RYR2: variants seen among roughly 807,000 people sequenced by gnomAD.
RYR2 encodes cardiac muscle ryanodine receptor-calcium release channel.
In RYR2, 227 loss-of-function variants were observed where a neutral mutation model predicts 601.1. That is an observed-to-expected ratio of 0.38 (90% confidence interval 0.34 to 0.42). The LOEUF (loss-of-function observed/expected upper bound fraction) is 0.42. RYR2 is among the 10% of genes least tolerant of loss of function. RYR2 has a pLI of 1.00. For synonymous variants in RYR2, 2,223 were observed against 2,175.1 expected, an observed-to-expected ratio of 1.02 and a Z score of -0.61; for missense variants, 4,646 against 6,156.5, an observed-to-expected ratio of 0.75 and a Z score of 8.21.
intron 4 of RYR2, among the ~76,000 whole-genome samples, chr1:237,362,907 A>C (rs1558686768): frequency 6.6e-6 from 1 of 152,100 alleles, no homozygotes; most frequent in Non-Finnish European, 1.5e-5. Flanking sequence ...TCTGTGTATT[A>C]TTCTTCCTAC....
At chr1:237,484,820 T>A (rs1662501940) in intron 17 of RYR2, among the ~76,000 whole-genome samples, 1 of 152,150 alleles carries the variant, frequency 6.6e-6, no homozygotes, top group South Asian at 2.1e-4. Context: ...AAAAACATGA[T>A]AAGGAATATT....
intron 29 of RYR2, among the ~76,000 whole-genome samples, chr1:237,588,342 G>A (rs930971576): frequency 6.6e-6 from 1 of 152,074 alleles, no homozygotes; most frequent in East Asian, 1.9e-4. Flanking sequence ...TGCTTTCACT[G>A]CCACTAATTT....
chr1:237,760,924 C>T, intron 83 of RYR2, 31 bp from the exon 84 acceptor site: 2 of 1,442,066 alleles, frequency 1.4e-6, no homozygotes, highest in Non-Finnish European at 1.9e-6. Context: ...TATTAGTCCT[C>T]TAAATGTTTT....
At chr1:237,473,069 GT>G (rs1361083279) in intron 17 of RYR2, among the ~76,000 whole-genome samples, 4 of 151,738 alleles carry the variant, frequency 2.6e-5, no homozygotes, top group Non-Finnish European at 5.9e-5. Flanking sequence ...GGACAATAGT[GT>G]TATCTACCCG....
chr1:237,755,213 C>G (rs1163909044), intron 80 of RYR2: 1 of 629,250 alleles, frequency 1.6e-6, no homozygotes, highest in Non-Finnish European at 2.3e-6. Flanking sequence ...TTTTAGTTCA[C>G]TTTATTTTTC....
chr1:237,507,424 C>T (rs559065998), intron 23 of RYR2, among the ~76,000 whole-genome samples: 18 of 152,270 alleles, frequency 1.2e-4, no homozygotes, highest in African/African-American at 4.3e-4. Context: ...TTGTTTGTGT[C>T]AAAACCATGG....
At chr1:237,722,181 GGGA>G (rs1191699585) in intron 73 of RYR2, among the ~76,000 whole-genome samples, 1 of 152,046 alleles carries the variant, frequency 6.6e-6, no homozygotes, top group Non-Finnish European at 1.5e-5. Context: ...ACTGTGAATG[GGGA>G]GGAGAAGAGC....
At chr1:237,255,622 G>A (rs1449008710) in intron 1 of RYR2, among the ~76,000 whole-genome samples, 1 of 152,092 alleles carries the variant, frequency 6.6e-6, no homozygotes, top group Non-Finnish European at 1.5e-5. Flanking sequence ...ATTCATGAGG[G>A]CAGTTTCAAT....
At chr1:237,591,292 T>C (rs1178023873) in intron 31 of RYR2, among the ~76,000 whole-genome samples, 2 of 151,526 alleles carry the variant, frequency 1.3e-5, no homozygotes, top group African/African-American at 4.9e-5. Flanking sequence ...AGTCATCTAA[T>C]TTGTTAGCGT....
chr1:237,057,194 CTTTT>C, intron 1 of RYR2, among the ~76,000 whole-genome samples: 1 of 149,408 alleles, frequency 6.7e-6, no homozygotes, highest in African/African-American at 2.5e-5. Context: ...GAGGAAACTT[CTTTT>C]TTTTTTGGAC....
At chr1:237,589,481 G>A (rs1572994237) in intron 29 of RYR2, among the ~76,000 whole-genome samples, 1 of 152,082 alleles carries the variant, frequency 6.6e-6, no homozygotes, top group South Asian at 2.1e-4. Flanking sequence ...ACTGCAGGGC[G>A]GGGATCTCTA....
At chr1:237,286,636 T>G (rs1691601030) in intron 2 of RYR2, among the ~76,000 whole-genome samples, 1 of 116,618 alleles carries the variant, frequency 8.6e-6, no homozygotes, top group Non-Finnish European at 1.9e-5. Flanking sequence ...GTACTTGTTT[T>G]TGGTGTACAT....
At chr1:237,673,512 C>T (rs1463291157) in intron 58 of RYR2, among the ~76,000 whole-genome samples, 1 of 151,894 alleles carries the variant, frequency 6.6e-6, no homozygotes, top group Non-Finnish European at 1.5e-5. Context: ...ATGTACTTGC[C>T]CACGTGGTTT....
chr1:237,124,850 C>G (rs1167144899), intron 1 of RYR2, among the ~76,000 whole-genome samples: 1 of 152,172 alleles, frequency 6.6e-6, no homozygotes. Context: ...CCTGGCAAGC[C>G]AATTCTACTT....
At chr1:237,169,150 T>C (rs1286622635) in intron 1 of RYR2, among the ~76,000 whole-genome samples, 1 of 152,246 alleles carries the variant, frequency 6.6e-6, no homozygotes, top group Non-Finnish European at 1.5e-5. Context: ...TGTTATTAAA[T>C]TTTAGTTAGT....
At position 237,566,750 on chromosome 1, in the gene RYR2, G is replaced by T. The variant is rs374397612; in HGVS notation, c.3398G>T (p.Arg1133Leu). The T allele has an allele frequency of 1.2e-6, 2 of 1,613,984 alleles. No homozygotes were observed. The highest frequency in any genetic ancestry group is 1.7e-6 in the Non-Finnish European group (2 of 1,179,866). The change falls in exon 28 of 105, where the codon CGT becomes CTT. Residue 1133 changes from arginine to leucine, a missense_variant. Around this residue, in one of 17 missense-constraint regions of RYR2, gnomAD observed 1,807 missense variants for 2,088.1 expected, o/e 0.87. Transcript: ENST00000366574. ...GATCAGGAGCTTGGCTCAGATGAAC[G>T]TGCCTTTGCCTTTGATGGCTTCAAG... Reference protein sequence around the residue: ...QPDQELGSDERAFAFDGFKAQ... With the variant: ...QPDQELGSDELAFAFDGFKAQ...
chr1:237,465,459 A>G (rs1659968297), intron 16 of RYR2, among the ~76,000 whole-genome samples: 1 of 152,188 alleles, frequency 6.6e-6, no homozygotes, highest in East Asian at 1.9e-4. Context: ...TTGTAAAATC[A>G]GGGAAGTTTC....
rs550714733 is a variant in RYR2, at chr1:237,726,684, G to A, written c.10725+376G>A. 2.0e-5 allele frequency among the ~76,000 whole-genome samples: 3 copies of A among 152,010 alleles called. No homozygotes were observed. The South Asian group carries it at 6.2e-4, about 32-fold the overall frequency. ...CAATGGACATATGAATAAGAATGAG[G>A]TAATATTTTATGTAGGCAGAAAATA... On this transcript the variant is annotated intron_variant, in intron 75 of 104. Coordinates refer to ENST00000366574, the MANE Select transcript of RYR2 (RefSeq NM_001035.3).
At position 237,759,854 on chromosome 1, in the gene RYR2, TA is replaced by T; in HGVS notation, c.11402+4del. 6.2e-7 allele frequency: 1 copy of T among 1,601,026 alleles called. No individual in the cohort carries two copies. Among genetic ancestry groups the T allele is most frequent in the Non-Finnish European group, 8.5e-7 (1 of 1,170,582 alleles). On this transcript the variant is annotated splice_donor_region_variant and intron_variant, in intron 83 of 104. Transcript: ENST00000366574. ...GGCCGGCCTGATGCAGTCATGTAGG[TA>T]AGGACTCACTTCCTTCTTGGGGGTT...
Sources: allele counts gnomAD v4.1 joint callset (sites outside exome capture counted in the v4.1 genomes callset), GRCh38; gene constraint gnomAD v4.1.1; regional missense constraint gnomAD v4.1.1; transcripts MANE v1.5; gene names NCBI Gene and HGNC (gene_info 2026-07-23, HGNC 2026-07-21).